Variants in OPCML observed in about 807,000 individuals in gnomAD.
The protein encoded by OPCML is opioid-binding protein/cell adhesion molecule.
In OPCML, 13 loss-of-function variants were observed where a neutral mutation model predicts 37.8. The observed-to-expected ratio is 0.34, with a 90% CI of 0.22 to 0.55. The LOEUF (loss-of-function observed/expected upper bound fraction) is 0.55, where lower values mean the gene tolerates loss of function less well. Among genes scored for constraint, OPCML ranks in the 20% least tolerant of loss-of-function variants. The probability of loss-of-function intolerance (pLI) is 0.91; values close to 1 mark genes in which losing one functional copy is unlikely to be tolerated. For synonymous variants in OPCML, 176 were observed against 168.8 expected, an observed-to-expected ratio of 1.04 and a Z score of -0.33; for missense variants, 341 against 435.6, an observed-to-expected ratio of 0.78 and a Z score of 1.93.
intron 1 of OPCML, among the ~76,000 whole-genome samples, chr11:132,951,292 C>T (rs1364506717): frequency 1.3e-5 from 2 of 152,212 alleles, no homozygotes; most frequent in Admixed American, 6.5e-5. Context: ...CACAGTGGCA[C>T]AGCCTGCAAG....
chr11:132,779,721 C>T (rs1293391597), intron 2 of OPCML, among the ~76,000 whole-genome samples: 3 of 152,120 alleles, frequency 2.0e-5, no homozygotes, highest in Non-Finnish European at 2.9e-5. Flanking sequence ...GAGGTCGGAG[C>T]TCCAGTCTGT....
At chr11:132,788,323 G>C (rs1016577344) in intron 2 of OPCML, among the ~76,000 whole-genome samples, 1 of 152,030 alleles carries the variant, frequency 6.6e-6, no homozygotes, top group African/African-American at 2.4e-5. Flanking sequence ...ACTTATCCTT[G>C]ACACCTCCCT....
intron 1 of OPCML, among the ~76,000 whole-genome samples, chr11:133,239,904 G>A (rs1448791864): frequency 6.6e-6 from 1 of 152,036 alleles, no homozygotes; most frequent in African/African-American, 2.4e-5. Flanking sequence ...AATAAAATGT[G>A]TCATTTCAGA....
chr11:132,910,560 C>T (rs940303279), intron 2 of OPCML, among the ~76,000 whole-genome samples: 3 of 152,302 alleles, frequency 2.0e-5, no homozygotes, highest in African/African-American at 7.2e-5. Flanking sequence ...CTCTTCCTTC[C>T]TATCTGAATC....
chr11:133,070,390 A>G (rs1948506417), intron 1 of OPCML, among the ~76,000 whole-genome samples: 1 of 152,142 alleles, frequency 6.6e-6, no homozygotes, highest in South Asian at 2.1e-4. Context: ...GCTAGTTGGT[A>G]AATTCTCCCA....
chr11:132,727,348 T>C lies in OPCML; in HGVS notation c.147-70029A>G, dbSNP rs191444137. ...AGATTTAGGTGAACCGAGGTTCCCATCCTCATTTCTCCCGGTAACTTGTGG... is the reference window on the plus strand; with the variant it reads ...AGATTTAGGTGAACCGAGGTTCCCACCCTCATTTCTCCCGGTAACTTGTGG... On this transcript the variant is annotated intron_variant, in intron 2 of 7. Transcript: ENST00000524381. Among the ~76,000 whole-genome samples the C allele has an allele frequency of 1.4e-4, 21 of 152,332 alleles. No homozygotes were observed. The South Asian group carries it at 3.5e-3, about 26-fold the overall frequency.
intron 1 of OPCML, among the ~76,000 whole-genome samples, chr11:133,494,129 A>G (rs968797559): frequency 2.0e-5 from 3 of 152,238 alleles, no homozygotes; most frequent in South Asian, 4.1e-4. Flanking sequence ...AATGCTCACC[A>G]TCACTGGCCA....
At chr11:132,678,940 G>T (rs1942825055) in intron 2 of OPCML, among the ~76,000 whole-genome samples, 1 of 152,128 alleles carries the variant, frequency 6.6e-6, no homozygotes, top group African/African-American at 2.4e-5. Context: ...ACTCCGGTGG[G>T]GGTGGTGATG....
chr11:133,398,408 A>G (rs1477738737), intron 1 of OPCML, among the ~76,000 whole-genome samples: 1 of 152,186 alleles, frequency 6.6e-6, no homozygotes, highest in Admixed American at 6.5e-5. Context: ...CCAGGCAGTC[A>G]GGATATCTGT....
chr11:132,693,014 T>G (rs1044637987), intron 2 of OPCML, among the ~76,000 whole-genome samples: 1 of 152,222 alleles, frequency 6.6e-6, no homozygotes, highest in Non-Finnish European at 1.5e-5. Flanking sequence ...ATAGAAAATG[T>G]GTGACTTACA....
At chr11:133,275,967 T>A (rs928980861) in intron 1 of OPCML, among the ~76,000 whole-genome samples, 2 of 151,964 alleles carry the variant, frequency 1.3e-5, no homozygotes, top group Non-Finnish European at 2.9e-5. Flanking sequence ...GTTGTCCACA[T>A]CCCCACTAAG....
chr11:133,087,090 A>AGAC (rs1948828671), intron 1 of OPCML, among the ~76,000 whole-genome samples: 1 of 152,236 alleles, frequency 6.6e-6, no homozygotes, highest in Non-Finnish European at 1.5e-5. Context: ...ATAATTTAAC[A>AGAC]GACGACGAAC....
chr11:133,428,879 A>C (rs1345203126), intron 1 of OPCML, among the ~76,000 whole-genome samples: 2 of 152,238 alleles, frequency 1.3e-5, no homozygotes, highest in Non-Finnish European at 2.9e-5. Flanking sequence ...AGAATAACTA[A>C]GGGAATTTTA....
At chr11:133,345,137 C>T (rs1040334501) in intron 1 of OPCML, among the ~76,000 whole-genome samples, 1 of 152,106 alleles carries the variant, frequency 6.6e-6, no homozygotes, top group African/African-American at 2.4e-5. Flanking sequence ...TTCCTGGAAA[C>T]AGTAAAATAT....
intron 2 of OPCML, among the ~76,000 whole-genome samples, chr11:132,884,244 T>A (rs1943325797): frequency 1.3e-5 from 2 of 152,288 alleles, no homozygotes; most frequent in African/African-American, 4.8e-5. Flanking sequence ...AAGAGATTAC[T>A]AATAGGACAG....
At chr11:132,846,117 C>G (rs766171561) in intron 2 of OPCML, among the ~76,000 whole-genome samples, 1 of 152,194 alleles carries the variant, frequency 6.6e-6, no homozygotes, top group Admixed American at 6.5e-5. Flanking sequence ...GGGGGAAATT[C>G]ATTTACAGTC....
intron 2 of OPCML, among the ~76,000 whole-genome samples, chr11:132,665,003 G>C (rs959928856): frequency 6.6e-6 from 1 of 152,162 alleles, no homozygotes; most frequent in Non-Finnish European, 1.5e-5. Context: ...TCTGCCACTC[G>C]CTGGAAAATT....
chr11:133,004,808 A>C lies in OPCML; in HGVS notation c.62-61798T>G, dbSNP rs1947075415. ...CCTTCCTTCCACCACACTCCGTCTAACCTGCCCCTCTCCATCTACGGGAGT... is the reference window on the plus strand; with the variant it reads ...CCTTCCTTCCACCACACTCCGTCTACCCTGCCCCTCTCCATCTACGGGAGT... On this transcript the variant is annotated intron_variant, in intron 1 of 7. Transcript: ENST00000524381. 6.1e-6 allele frequency: 6 copies of C among 985,370 alleles called. No homozygotes were observed. The Admixed American group carries it at 1.8e-4, about 30-fold the overall frequency. 61.0% of individuals were successfully genotyped at this position (985,370 alleles called of 1,614,324 possible).
chr11:132,477,615 C>G (rs1225642129), intron 4 of OPCML, among the ~76,000 whole-genome samples: 1 of 152,174 alleles, frequency 6.6e-6, no homozygotes, highest in East Asian at 1.9e-4. Context: ...GAGAGGAGAG[C>G]ACTCTTAACC....
Sources: gnomAD v4.1 joint callset for allele counts (sites outside exome capture counted in the v4.1 genomes callset) on GRCh38, gnomAD v4.1.1 for gene constraint, MANE v1.5 for transcripts, NCBI Gene and HGNC (gene_info 2026-07-23, HGNC 2026-07-21) for gene names.